The following UBE2E3 variants were observed in gnomAD, a reference collection of about 807,000 sequenced individuals.
The protein encoded by UBE2E3 is ubiquitin-conjugating enzyme E2 E3.
UBE2E3 carries 5 observed loss-of-function variants against 23.6 expected under a neutral mutation model. The ratio of observed to expected loss-of-function variants is 0.21; its 90% CI spans 0.11 to 0.44. The LOEUF (loss-of-function observed/expected upper bound fraction) is 0.44. Among genes scored for constraint, UBE2E3 ranks in the 20% least tolerant of loss-of-function variants. The pLI is 0.99. For synonymous variants in UBE2E3, 78 were observed against 87.5 expected (o/e 0.89, Z 0.60); for missense variants, 81 against 249.8 (o/e 0.32, Z 4.55).
chr2:181,054,736 G>C (rs1686939821), intron 3 of UBE2E3, among the ~76,000 whole-genome samples: 1 of 151,794 alleles, frequency 6.6e-6, no homozygotes, highest in African/African-American at 2.4e-5. Flanking sequence ...TGCAGTTACA[G>C]ATTTGGAAGT....
intron 3 of UBE2E3, among the ~76,000 whole-genome samples, chr2:181,001,256 A>G (rs1399031395): frequency 6.6e-6 from 1 of 152,222 alleles, no homozygotes; most frequent in African/African-American, 2.4e-5. Context: ...GAGTGAGGAA[A>G]TGAAATGAGG....
intron 3 of UBE2E3, among the ~76,000 whole-genome samples, chr2:180,991,679 TTGTTAG>T (rs1226153620): frequency 6.6e-6 from 1 of 152,190 alleles, no homozygotes; most frequent in Non-Finnish European, 1.5e-5. Flanking sequence ...TCATCAGCTA[TTGTTAG>T]TGTTAGTGTA....
intron 3 of UBE2E3, among the ~76,000 whole-genome samples, chr2:181,016,796 TAAG>T (rs1215565081): frequency 6.6e-6 from 1 of 152,174 alleles, no homozygotes; most frequent in East Asian, 1.9e-4. Flanking sequence ...GCTTGATAAA[TAAG>T]AACAAAACTT....
chr2:181,009,232 T>C (rs1685244198), intron 3 of UBE2E3, among the ~76,000 whole-genome samples: 2 of 152,280 alleles, frequency 1.3e-5, no homozygotes, highest in South Asian at 2.1e-4. Flanking sequence ...TGTAATATTT[T>C]TGATGCTAAG....
At chr2:181,032,908 A>C (rs1259084823) in intron 3 of UBE2E3, among the ~76,000 whole-genome samples, 1 of 152,234 alleles carries the variant, frequency 6.6e-6, no homozygotes. Flanking sequence ...GAGCCAAATC[A>C]TGAGTGAACT....
Position 181,035,144 on chromosome 2 carries a change from CTGTTT to C in UBE2E3, c.246-22542_246-22538del, listed in dbSNP as rs1320211792. Among the ~76,000 whole-genome samples the C allele has an allele frequency of 5.3e-5, 8 of 152,210 alleles. No homozygotes were observed. The South Asian group carries it at 8.3e-4, about 16-fold the overall frequency. The stretch of plus-strand genomic sequence containing the variant: ...ATTAATGTACATTACAGCAAAATAA[CTGTTT>C]TGTTTTAATATTTATATGCATTCTA... On this transcript the variant is annotated intron_variant, in intron 3 of 5. Coordinates refer to ENST00000410062, the MANE Select transcript of UBE2E3 (RefSeq NM_006357.4).
At chr2:181,018,190 C>G (rs918735608) in intron 3 of UBE2E3, among the ~76,000 whole-genome samples, 1 of 150,948 alleles carries the variant, frequency 6.6e-6, no homozygotes, top group African/African-American at 2.4e-5. Context: ...ATAATAAAAA[C>G]AGTTATACTC....
At chr2:181,039,115 A>C (rs1026902096) in intron 3 of UBE2E3, among the ~76,000 whole-genome samples, 2 of 145,016 alleles carry the variant, frequency 1.4e-5, no homozygotes, top group Admixed American at 1.4e-4. Flanking sequence ...AGTACCTCAG[A>C]ATGTGACCTT....
intron 3 of UBE2E3, among the ~76,000 whole-genome samples, chr2:181,055,715 G>C (rs1291572125): frequency 6.6e-6 from 1 of 151,696 alleles, no homozygotes; most frequent in African/African-American, 2.4e-5. Flanking sequence ...TGTACACTTT[G>C]TCCGATGGCA....
chr2:181,047,132 A>G (rs1686694571), intron 3 of UBE2E3, among the ~76,000 whole-genome samples: 1 of 152,106 alleles, frequency 6.6e-6, no homozygotes, highest in Non-Finnish European at 1.5e-5. Context: ...TGACGTCTTT[A>G]GTTTCTAACA....
chr2:181,007,044 T>G (rs1018584612), intron 3 of UBE2E3, among the ~76,000 whole-genome samples: 23 of 152,194 alleles, frequency 1.5e-4, no homozygotes, highest in African/African-American at 5.5e-4. Context: ...TTTTGAACCA[T>G]TCAGTCTCAG....
At chr2:181,028,670 T>C (rs1685976174) in intron 3 of UBE2E3, among the ~76,000 whole-genome samples, 3 of 152,116 alleles carry the variant, frequency 2.0e-5, no homozygotes, top group Admixed American at 2.0e-4. Flanking sequence ...TTTTTTTATG[T>C]TTATCTTCCA....
intron 3 of UBE2E3, among the ~76,000 whole-genome samples, chr2:181,027,902 G>A (rs1685948841): frequency 2.0e-5 from 3 of 151,902 alleles, no homozygotes; most frequent in Admixed American, 2.0e-4. Context: ...AAGAATACAT[G>A]TAACATTTTT....
At chr2:181,003,861 T>C (rs1452116675) in intron 3 of UBE2E3, among the ~76,000 whole-genome samples, 1 of 152,210 alleles carries the variant, frequency 6.6e-6, no homozygotes, top group Non-Finnish European at 1.5e-5. Flanking sequence ...AATTTACATG[T>C]ATTGTTGATA....
intron 3 of UBE2E3, chr2:180,987,213 T>C (rs1370917492): frequency 4.9e-6 from 5 of 1,015,986 alleles, no homozygotes; most frequent in Middle Eastern, 2.2e-4. Flanking sequence ...AAATAATTTA[T>C]ACATCAATGA....
intron 3 of UBE2E3, among the ~76,000 whole-genome samples, chr2:181,012,108 G>A (rs1418354017): frequency 6.6e-6 from 1 of 152,074 alleles, no homozygotes; most frequent in African/African-American, 2.4e-5. Context: ...TTTGAGAGAG[G>A]GCAATATGAT....
intron 3 of UBE2E3, among the ~76,000 whole-genome samples, chr2:181,056,287 CTG>C (rs946737072): frequency 6.6e-6 from 1 of 151,606 alleles, no homozygotes; most frequent in Non-Finnish European, 1.5e-5. Flanking sequence ...CAAGGGGTAA[CTG>C]TTAAGTGTAG....
chr2:180,998,825 A>G (rs928792205), intron 3 of UBE2E3, among the ~76,000 whole-genome samples: 1 of 152,190 alleles, frequency 6.6e-6, no homozygotes, highest in Admixed American at 6.5e-5. Flanking sequence ...AAACAAAAAA[A>G]TCGTCAACGG....
intron 3 of UBE2E3, among the ~76,000 whole-genome samples, chr2:180,993,147 A>C (rs889132561): frequency 2.0e-5 from 3 of 152,198 alleles, no homozygotes; most frequent in Non-Finnish European, 4.4e-5. Context: ...CTTGTTTATC[A>C]CATCTGTTTT....
Sources: allele counts gnomAD v4.1 joint callset (sites outside exome capture counted in the v4.1 genomes callset), GRCh38; gene constraint gnomAD v4.1.1; transcripts MANE v1.5; gene names NCBI Gene and HGNC (gene_info 2026-07-23, HGNC 2026-07-21).